The following LRP1B variants were observed in gnomAD, a reference collection of about 807,000 sequenced individuals.
The protein encoded by LRP1B is low-density lipoprotein receptor-related protein 1B.
LRP1B carries 217 observed loss-of-function variants against 556.6 expected under a neutral mutation model. The observed-to-expected ratio is 0.39, with a 90% CI of 0.35 to 0.44. The LOEUF (loss-of-function observed/expected upper bound fraction) is 0.44. Ranked by LOEUF, LRP1B falls within the 20% of genes least tolerant of loss-of-function variation. The pLI is 1.00. For synonymous variants in LRP1B, 2,047 were observed against 1,865.8 expected (o/e 1.10, Z -2.50); for missense variants, 5,053 against 5,620.8 (o/e 0.90, Z 3.23).
rs145733656 is a variant in LRP1B at position 140,650,911 on chromosome 2, G to C, written c.6800-49272C>G. On this transcript the variant is annotated intron_variant, in intron 41 of 90. Coordinates refer to ENST00000389484, the MANE Select transcript of LRP1B (RefSeq NM_018557.3). Reference sequence around the variant, plus strand: ...AACAAGCAGTGAGCCTCTTTAGCCAGGGCAACTCTAATAGAATAAACATGT... The same window carrying C: ...AACAAGCAGTGAGCCTCTTTAGCCACGGCAACTCTAATAGAATAAACATGT... 5.7e-3 allele frequency among the ~76,000 whole-genome samples: 871 copies of C among 152,210 alleles called. 14 individuals are homozygous for C. Among genetic ancestry groups the C allele is most frequent in the Middle Eastern group, 0.02 (6 of 294 alleles).
intron 43 of LRP1B, among the ~76,000 whole-genome samples, chr2:140,575,890 C>T (rs1323011883): frequency 6.6e-6 from 1 of 151,682 alleles, no homozygotes; most frequent in East Asian, 1.9e-4. Context: ...CCACTGCACT[C>T]CAGCCTGGAG....
intron 2 of LRP1B, among the ~76,000 whole-genome samples, chr2:141,669,138 T>C (rs1028178845): frequency 6.6e-6 from 1 of 152,100 alleles, no homozygotes; most frequent in South Asian, 2.1e-4. Context: ...CCTCAGAATA[T>C]GACTATATTT....
rs150022856 is a variant in LRP1B, at chr2:142,065,389, A to G, written c.82+65259T>C. Among the ~76,000 whole-genome samples the G allele has an allele frequency of 5.3e-5, 8 of 151,060 alleles. No homozygotes were observed. In the East Asian group the frequency reaches 1.6e-3, roughly 30 times the overall value. On this transcript the variant is annotated intron_variant, in intron 1 of 90. Coordinates refer to ENST00000389484, the MANE Select transcript of LRP1B (RefSeq NM_018557.3). Reference sequence around the variant, plus strand: ...TTCCTGGCCCACTTTCTCTCTCTTCAAATCCAGGAATGGCTAATTGATGCC... The same window carrying G: ...TTCCTGGCCCACTTTCTCTCTCTTCGAATCCAGGAATGGCTAATTGATGCC...
chr2:140,965,804 G>GTTTTT lies in LRP1B; in HGVS notation c.2888-13869_2888-13865dup, dbSNP rs56096461. 7.6e-5 allele frequency among the ~76,000 whole-genome samples: 11 copies of GTTTTT among 144,988 alleles called. 1 individual carries two copies. Among genetic ancestry groups the GTTTTT allele is most frequent in the East Asian group, 4.1e-4 (2 of 4,898 alleles). ...TCCCACCTGAGTGAGAACATGCAGT[G>GTTTTT]TTTTTTTTTTTTTCCCTGCAATAGT... is the stretch of plus-strand genomic sequence containing the variant. On this transcript the variant is annotated intron_variant, in intron 18 of 90. Coordinates refer to ENST00000389484, the MANE Select transcript of LRP1B (RefSeq NM_018557.3).
At chr2:142,121,146 C>T (rs77750167) in intron 1 of LRP1B, among the ~76,000 whole-genome samples, 2 of 152,122 alleles carry the variant, frequency 1.3e-5, no homozygotes, top group Middle Eastern at 3.2e-3. Flanking sequence ...AAATGCAAAT[C>T]TCTGTTGTAG....
intron 31 of LRP1B, among the ~76,000 whole-genome samples, chr2:140,822,674 T>C (rs1167288056): frequency 1.3e-5 from 2 of 152,204 alleles, no homozygotes; most frequent in African/African-American, 4.8e-5. Context: ...TCCACATTTC[T>C]TAGGAGTAAG....
chr2:141,055,802 A>ATGTGTGTGTGTGTGTG (rs10664722), intron 9 of LRP1B, among the ~76,000 whole-genome samples: 6 of 145,442 alleles, frequency 4.1e-5, no homozygotes, highest in South Asian at 2.2e-4. Flanking sequence ...TTACCACAAA[A>ATGTGTGTGTGTGTGTG]TGTGTGTGTG....
intron 2 of LRP1B, among the ~76,000 whole-genome samples, chr2:141,517,004 TAAAAAAAAA>T (rs71391654): frequency 2.6e-4 from 3 of 11,730 alleles, no homozygotes; most frequent in Non-Finnish European, 5.6e-4. Flanking sequence ...GCCCGTCTCT[TAAAAAAAAA>T]AAAAAAAAAA....
chr2:140,921,926 T>G (rs1474204038), intron 21 of LRP1B, among the ~76,000 whole-genome samples: 1 of 152,004 alleles, frequency 6.6e-6, no homozygotes, highest in African/African-American at 2.4e-5. Context: ...AACTTCTTAT[T>G]TGTACTTTTT....
At chr2:142,031,484 C>G (rs537248943) in intron 1 of LRP1B, among the ~76,000 whole-genome samples, 1 of 94,926 alleles carries the variant, frequency 1.1e-5, no homozygotes, top group Non-Finnish European at 2.0e-5. Flanking sequence ...TATCCCTCCC[C>G]CCTCCCCCGA....
intron 41 of LRP1B, among the ~76,000 whole-genome samples, chr2:140,678,156 G>A (rs1264523852): frequency 6.6e-6 from 1 of 152,078 alleles, no homozygotes; most frequent in Admixed American, 6.5e-5. Context: ...TGGAAGTGAG[G>A]CAATTTACTG....
At chr2:141,789,342 G>A (rs951231489) in intron 2 of LRP1B, among the ~76,000 whole-genome samples, 6 of 151,878 alleles carry the variant, frequency 4.0e-5, no homozygotes, top group Admixed American at 6.6e-5. Flanking sequence ...GAGAACTCAA[G>A]AAATTTTAGC....
chr2:141,661,631 A>G (rs1690223859), intron 2 of LRP1B, among the ~76,000 whole-genome samples: 1 of 152,220 alleles, frequency 6.6e-6, no homozygotes, highest in Non-Finnish European at 1.5e-5. Flanking sequence ...AGATTACAGA[A>G]AAAAGAATGA....
intron 2 of LRP1B, among the ~76,000 whole-genome samples, chr2:141,614,794 C>A (rs963167344): frequency 2.0e-5 from 3 of 152,230 alleles, no homozygotes; most frequent in Admixed American, 2.0e-4. Context: ...AGACTTCCAA[C>A]CTCCAGAACT....
intron 66 of LRP1B, among the ~76,000 whole-genome samples, chr2:140,394,417 T>G (rs987448807): frequency 6.6e-6 from 1 of 152,072 alleles, no homozygotes; most frequent in African/African-American, 2.4e-5. Context: ...GTACAGGGAT[T>G]GTATGGTGGC....
intron 7 of LRP1B, among the ~76,000 whole-genome samples, chr2:141,074,925 T>A (rs749219753): frequency 3.3e-5 from 5 of 152,126 alleles, no homozygotes; most frequent in Non-Finnish European, 7.4e-5. Flanking sequence ...TAGTGATTAG[T>A]TCAGGGTTAG....
chr2:140,803,431 C>A (rs1015550557), intron 32 of LRP1B, among the ~76,000 whole-genome samples: 1 of 151,410 alleles, frequency 6.6e-6, no homozygotes, highest in Non-Finnish European at 1.5e-5. Flanking sequence ...CACATGCCAC[C>A]ATGCCCGGCT....
chr2:140,507,556 A>G (rs1558930246), intron 52 of LRP1B, among the ~76,000 whole-genome samples: 1 of 152,224 alleles, frequency 6.6e-6, no homozygotes. Context: ...GATCCATGAA[A>G]GCAATGTTCC....
intron 4 of LRP1B, among the ~76,000 whole-genome samples, chr2:141,250,410 A>G (rs2105333003): frequency 6.6e-6 from 1 of 152,276 alleles, no homozygotes; most frequent in South Asian, 2.1e-4. Flanking sequence ...TTGAACAAAC[A>G]GGCTTGGAGA....
Sources: gnomAD v4.1 joint callset for allele counts (sites outside exome capture counted in the v4.1 genomes callset) on GRCh38, gnomAD v4.1.1 for gene constraint, MANE v1.5 for transcripts, NCBI Gene and HGNC (gene_info 2026-07-23, HGNC 2026-07-21) for gene names.